Variants in CELF3 observed in about 807,000 individuals in gnomAD.
CELF3 encodes the protein CAG repeat domain.
In CELF3, 26 loss-of-function variants were observed where a neutral mutation model predicts 59.6. The observed-to-expected ratio is 0.44, with a 90% confidence interval of 0.32 to 0.61. CELF3 has a LOEUF of 0.61. Ranked by LOEUF, CELF3 falls within the 20% of genes least tolerant of loss-of-function variation. The pLI is 0.06. For synonymous variants in CELF3, 245 were observed against 250.7 expected, an observed-to-expected ratio of 0.98 and a Z score of 0.22; for missense variants, 387 against 627.2, an observed-to-expected ratio of 0.62 and a Z score of 4.09.
chr1:151,706,083 T>C, intron 10 of CELF3, 118 bp from the exon 11 acceptor site: 2 of 1,589,666 alleles, frequency 1.3e-6, no homozygotes, highest in South Asian at 1.1e-5. Flanking sequence ...TCCTTGACAG[T>C]GTGGGCCAAG....
At chr1:151,706,444 G>C in intron 9 of CELF3, 83 bp from the exon 10 acceptor site, 1 of 1,405,350 alleles carries the variant, frequency 7.1e-7, no homozygotes, top group Non-Finnish European at 9.7e-7. Context: ...CCTTCCCCTA[G>C]CCCAGGCCAG....
chr1:151,710,015 A>G (rs892788726), intron 2 of CELF3: 1 of 568,356 alleles, frequency 1.8e-6, no homozygotes, highest in Non-Finnish European at 3.2e-6. Context: ...GCACAGCTCC[A>G]GGCTCAGGTT....
chr1:151,706,171 G>A lies in CELF3; in HGVS notation c.1126+53C>T, dbSNP rs138584652. ...TGGGCTCAGCGCGGGGTGACAGGGA[G>A]TCCCCAAGCCCATAACGAGGGCATT... is the stretch of plus-strand genomic sequence containing the variant. On this transcript the variant is annotated intron_variant, in intron 10 of 12. Transcript: ENST00000290583. The A allele has an allele frequency of 2.2e-5, 35 of 1,610,714 alleles. No individual in the cohort carries two copies. In the African/African-American group the frequency reaches 3.6e-4, roughly 17 times the overall value.
chr1:151,703,826 A>G (rs1672284917), intron 12 of CELF3, among the ~76,000 whole-genome samples: 1 of 152,152 alleles, frequency 6.6e-6, no homozygotes, highest in South Asian at 2.1e-4. Context: ...ACCTGGAAAA[A>G]GAAAGGGAAC....
At chr1:151,714,803 G>A in intron 1 of CELF3, 127 bp from the exon 2 acceptor site, 1 of 704,532 alleles carries the variant, frequency 1.4e-6, no homozygotes, top group Non-Finnish European at 2.5e-6. Context: ...TGCCTGCTGG[G>A]GTAGAGAGGT....
chr1:151,715,574 T>C, intron 1 of CELF3: 1 of 1,369,254 alleles, frequency 7.3e-7, no homozygotes. Flanking sequence ...CCAGCTCTCT[T>C]GTCCCTCCAT....
At position 151,714,245 on chromosome 1, in the gene CELF3, C is replaced by T. The variant is rs113934668; in HGVS notation, c.228+349G>A. 2.4e-3 allele frequency among the ~76,000 whole-genome samples: 370 copies of T among 152,254 alleles called. 2 individuals are homozygous for T. The highest frequency in any genetic ancestry group is 8.4e-3 in the African/African-American group (350 of 41,538). On this transcript the variant is annotated intron_variant, in intron 2 of 12. Coordinates refer to ENST00000290583, the MANE Select transcript of CELF3 (RefSeq NM_007185.7). ...AGTGACAAAAGAGTGCCTGGGTGCC[C>T]CCTGCTCACCCTGATCCACACTTGG... is the stretch of plus-strand genomic sequence containing the variant.
intron 2 of CELF3, chr1:151,710,298 C>G: frequency 3.8e-6 from 1 of 260,804 alleles, no homozygotes; most frequent in Non-Finnish European, 7.7e-6. Flanking sequence ...CCCTTGACCC[C>G]AGGGGGAAGG....
At chr1:151,706,833 G>A in intron 8 of CELF3, 99 bp from the exon 9 acceptor site, 1 of 940,318 alleles carries the variant, frequency 1.1e-6, no homozygotes, top group Non-Finnish European at 1.6e-6. Context: ...CAGGTGGGGA[G>A]CAGAGCTTCT....
rs910383861 is a variant in CELF3 at position 151,709,165 on chromosome 1, G to A, written c.406+55C>T. ...GAACCCGATGCCTAGGGAGTCTTGG[G>A]GGTGGAACAGGAAGGGGAAGGGCCC... On this transcript the variant is annotated intron_variant, in intron 4 of 12. Transcript: ENST00000290583. This position sits in a 1 kb window ranked among gnomAD's most constrained non-coding sequence, Gnocchi z 4.9. 7.8e-5 allele frequency: 125 copies of A among 1,608,336 alleles called. No homozygotes were observed. Among genetic ancestry groups the A allele is most frequent in the Non-Finnish European group, 1.0e-4 (123 of 1,175,566 alleles).
chr1:151,714,709 G>T, intron 1 of CELF3, 33 bp from the exon 2 acceptor site: 1 of 1,451,560 alleles, frequency 6.9e-7, no homozygotes, highest in East Asian at 2.5e-5. Flanking sequence ...AAACACGGCG[G>T]GGGGTGAGTC....
chr1:151,706,265 T>G lies in CELF3; in HGVS notation c.1085A>C (p.Gln362Pro). Residue 362 changes from glutamine (Q) to proline (P), a missense_variant, in exon 10 of 13, where the codon CAG becomes CCG. Coordinates refer to ENST00000290583, the MANE Select transcript of CELF3 (RefSeq NM_007185.7). The part of the protein sequence containing the change: ...QQPPPPPQQQ[Q>P]QQQQQQQQQQ... ...CTGCTGTTGCTGCTGCTGCTGCTGCTGCTGCTGTTGAGGTGGTGGTGGGGG... is the reference window on the plus strand; with the variant it reads ...CTGCTGTTGCTGCTGCTGCTGCTGCGGCTGCTGTTGAGGTGGTGGTGGGGG... The G allele has an allele frequency of 6.3e-7, 1 of 1,588,414 alleles. No individual in the cohort carries two copies. The highest frequency in any genetic ancestry group is 2.3e-5 in the East Asian group (1 of 43,154).
At chr1:151,710,622 C>T (rs986999036) in intron 2 of CELF3, 1 of 456,400 alleles carries the variant, frequency 2.2e-6, no homozygotes, top group Non-Finnish European at 4.4e-6. Context: ...CTGCCTCCCT[C>T]CTCCAGAGCA....
In CELF3 at chr1:151,716,268, A is replaced by C; in HGVS notation, c.-248T>G. The C allele has an allele frequency of 2.2e-6, 1 of 456,254 alleles. No individual in the cohort carries two copies. 28.3% of individuals were successfully genotyped at this position (456,254 alleles called of 1,614,324 possible). The stretch of plus-strand genomic sequence containing the variant: ...CCACCAGGGGGCATCGCCTAAACAA[A>C]CGATCTCCCTCCCAGAGATCTGGCA... On this transcript the variant is annotated 5_prime_UTR_variant, in exon 1 of 13. Coordinates refer to ENST00000290583, the MANE Select transcript of CELF3 (RefSeq NM_007185.7).
rs749743024 is a variant in CELF3, at chr1:151,709,259, C to A, written c.367G>T (p.Glu123Ter). Residue 123 changes from glutamate (E) to a stop codon, truncating the protein, a stop_gained, in exon 4 of 13, where the codon GAG (glutamate) becomes TAG (stop). Coordinates refer to ENST00000290583, the MANE Select transcript of CELF3 (RefSeq NM_007185.7). LOFTEE classifies it high-confidence loss of function. This position sits in a 1 kb window ranked among gnomAD's most constrained non-coding sequence, Gnocchi z 4.9. Reference sequence around the variant, plus strand: ...TCTGGCCCCCGGAGCACAGTGCACTCGTCGATGGTCCCGAAGGGCTCAAAC... The same window carrying A: ...TCTGGCCCCCGGAGCACAGTGCACTAGTCGATGGTCCCGAAGGGCTCAAAC... ...KMFEPFGTID[E>*]CTVLRGPDGT... 1 of 1,614,050 alleles carries A rather than the reference C, an allele frequency of 6.2e-7. No individual in the cohort carries two copies. The highest frequency in any genetic ancestry group is 8.5e-7 in the Non-Finnish European group (1 of 1,179,954).
At chr1:151,707,727 CGGGA>C in intron 6 of CELF3, 61 bp downstream of exon 6, 1 of 1,599,552 alleles carries the variant, frequency 6.3e-7, no homozygotes, top group Non-Finnish European at 8.5e-7. Flanking sequence ...GCCTTGGCAT[CGGGA>C]GGGTGGGGGC....
In CELF3 at chr1:151,715,960, TCTC is replaced by T; in HGVS notation, c.58_60del (p.Glu20del). 1 of 1,614,152 alleles carries T rather than the reference TCTC, an allele frequency of 6.2e-7. No homozygotes were observed. The highest frequency in any genetic ancestry group is 2.2e-5 in the East Asian group (1 of 44,868). On this transcript the variant is annotated inframe_deletion, in exon 1 of 13. Coordinates refer to ENST00000290583, the MANE Select transcript of CELF3 (RefSeq NM_007185.7). Reference sequence around the variant, plus strand: ...TGTTCGAAGATGGGCTTCAGGTCCTTCTCCTCCAGATGCCTCGGGATCTGCCCC... The same window carrying T: ...TGTTCGAAGATGGGCTTCAGGTCCTTCTCCAGATGCCTCGGGATCTGCCCC...
In CELF3 at chr1:151,705,234, T is replaced by G. The variant is rs950981648; in HGVS notation, c.1271-66A>C. 21 of 1,532,892 alleles carry G rather than the reference T, an allele frequency of 1.4e-5. No homozygotes were observed. Among genetic ancestry groups the G allele is most frequent in the South Asian group, 1.1e-4 (9 of 81,580 alleles). The allele number at this position is 1,532,892 out of a possible 1,614,324, so 95.0% of individuals were successfully genotyped here. On this transcript the variant is annotated intron_variant, in intron 11 of 12. Coordinates refer to ENST00000290583, the MANE Select transcript of CELF3 (RefSeq NM_007185.7). The surrounding 1 kb of genome is among the most constrained non-coding windows in gnomAD (Gnocchi z 5.1). ...CGCTCTTCCGTGCTTAGGAGACCTC[T>G]GGCACTACCCTGTGTCTCCCAAGTG...
chr1:151,706,708 G>A lies in CELF3; in HGVS notation c.949C>T (p.Pro317Ser), dbSNP rs760814554. ...ATCCCCGCGTAGGCCTGCTGCAGGG[G>A]GTCCACGGGGGCCGCGGGGCTCTGG... Reference protein sequence around the residue: ...PAQSPAAPVDPLQQAYAGMQH... With the variant: ...PAQSPAAPVDSLQQAYAGMQH... The change falls in exon 9 of 13, where the codon CCC becomes TCC. Residue 317 changes from proline (P) to serine (S), a missense_variant. Around this residue, in one of 3 missense-constraint regions of CELF3, gnomAD observed 131 missense variants for 153.7 expected, o/e 0.85. Transcript: ENST00000290583. The A allele has an allele frequency of 3.4e-5, 53 of 1,550,800 alleles. No individual in the cohort carries two copies. Among genetic ancestry groups the A allele is most frequent in the Non-Finnish European group, 4.2e-5 (48 of 1,146,744 alleles).
Sources: gnomAD v4.1 joint callset for allele counts (sites outside exome capture counted in the v4.1 genomes callset) on GRCh38, gnomAD v4.1.1 for gene constraint, gnomAD v4.1.1 regional missense constraint, Gnocchi (gnomAD v3.1) non-coding constraint, MANE v1.5 for transcripts, NCBI Gene and HGNC (gene_info 2026-07-23, HGNC 2026-07-21) for gene names.